The following LAMB1 variants were observed in gnomAD, a reference collection of about 807,000 sequenced individuals.
LAMB1 encodes the protein laminin subunit beta 1.
Under a neutral mutation model 222.3 loss-of-function variants are expected in LAMB1, and 121 were observed. That is an observed-to-expected ratio of 0.54 (90% CI 0.47 to 0.63). LAMB1 has a LOEUF of 0.63. Ranked by LOEUF, LAMB1 falls within the 30% of genes least tolerant of loss-of-function variation. The pLI is 0.00. For synonymous variants in LAMB1, 794 were observed against 807.2 expected (o/e 0.98, Z 0.28); for missense variants, 2,172 against 2,240.8 (o/e 0.97, Z 0.62).
At chr7:107,961,480 G>T in intron 16 of LAMB1, 69 bp downstream of exon 16, 3 of 1,585,254 alleles carry the variant, frequency 1.9e-6, no homozygotes, top group Middle Eastern at 1.7e-4. Flanking sequence ...TTGAAAACTC[G>T]CAAAATATTA....
chr7:107,933,866 C>CATTTGAAAGG (rs1202207241), intron 27 of LAMB1, among the ~76,000 whole-genome samples: 10 of 152,162 alleles, frequency 6.6e-5, no homozygotes, highest in African/African-American at 2.4e-4. Context: ...AACCCCGAAC[C>CATTTGAAAGG]CCACCCACCG....
At chr7:107,977,651 C>T (rs553084480) in intron 9 of LAMB1, among the ~76,000 whole-genome samples, 4 of 152,210 alleles carry the variant, frequency 2.6e-5, no homozygotes, top group Non-Finnish European at 5.9e-5. Flanking sequence ...ATTAGCAGGG[C>T]ATGGTGGCGC....
chr7:107,969,700 A>G (rs1318365400), intron 13 of LAMB1, among the ~76,000 whole-genome samples: 1 of 152,256 alleles, frequency 6.6e-6, no homozygotes, highest in Non-Finnish European at 1.5e-5. Context: ...CCCAGGCTGT[A>G]GAGTATAGCC....
chr7:107,937,057 C>A, intron 26 of LAMB1, 36 bp downstream of exon 26: 1 of 1,540,548 alleles, frequency 6.5e-7, no homozygotes, highest in South Asian at 1.2e-5. Context: ...TCGTTAAATC[C>A]ATTGTCTGGG....
chr7:107,975,629 T>C, intron 10 of LAMB1, 60 bp downstream of exon 10: 4 of 1,491,168 alleles, frequency 2.7e-6, no homozygotes, highest in East Asian at 2.3e-5. Context: ...CTACTGACTA[T>C]TCAGTTTGGA....
chr7:107,934,071 CTT>C (rs1407738735), intron 27 of LAMB1, among the ~76,000 whole-genome samples: 1 of 152,076 alleles, frequency 6.6e-6, no homozygotes, highest in East Asian at 1.9e-4. Flanking sequence ...TGCTTCATAA[CTT>C]TGTCTCCTGT....
Position 107,953,647 on chromosome 7 carries a change from C to A in LAMB1, c.2962G>T (p.Glu988Ter). Residue 988 changes from glutamate (E) to a stop codon, truncating the protein, a stop_gained, in exon 22 of 34, where the codon GAA (glutamate) becomes TAA (stop). Transcript: ENST00000222399. LOFTEE classifies it high-confidence loss of function. ...CTCCCAGTCTCCTTGTCACAGGCTT[C>A]TGGGTCTGTCGTGTCAATGTTGTTG... Reference protein sequence around the residue: ...CHNNIDTTDPEACDKETGRCL... With the variant: ...CHNNIDTTDP The A allele has an allele frequency of 6.2e-7, 1 of 1,614,200 alleles. No homozygotes were observed. The highest frequency in any genetic ancestry group is 8.5e-7 in the Non-Finnish European group (1 of 1,180,030).
At chr7:107,948,182 T>G (rs2033161559) in intron 24 of LAMB1, among the ~76,000 whole-genome samples, 1 of 152,170 alleles carries the variant, frequency 6.6e-6, no homozygotes, top group African/African-American at 2.4e-5. Flanking sequence ...AGATGGGGTT[T>G]CACCATGTTG....
At chr7:107,945,593 C>T (rs1399306756) in intron 24 of LAMB1, among the ~76,000 whole-genome samples, 1 of 152,204 alleles carries the variant, frequency 6.6e-6, no homozygotes, top group East Asian at 1.9e-4. Context: ...CAATGAGGAG[C>T]CCCCAGGCTT....
Position 107,972,994 on chromosome 7 carries a change from G to A in LAMB1, c.1560C>T (p.Asn520=). 2 of 1,612,368 alleles carry A rather than the reference G, an allele frequency of 1.2e-6. No homozygotes were observed. The highest frequency in any genetic ancestry group is 1.7e-6 in the Non-Finnish European group (2 of 1,178,436). The part of the protein sequence containing the change: ...CDCDLGGALN[N]SCFAESGQCS... ...AGCATACGTAGAGCTCCATTTACCT[G>A]TTGTTTAAGGCTCCCCCAAGGTCAC... The change falls in exon 13 of 34, where the codon AAC becomes AAT. Residue 520 remains asparagine (N), a splice_region_variant and synonymous_variant. Coordinates refer to ENST00000222399, the MANE Select transcript of LAMB1 (RefSeq NM_002291.3).
At chr7:107,926,121 G>T in intron 32 of LAMB1, 62 bp downstream of exon 32, 1 of 1,316,106 alleles carries the variant, frequency 7.6e-7, no homozygotes, top group Admixed American at 1.8e-5. Context: ...TCTAAGGCAG[G>T]CAAGGAGGAG....
chr7:107,966,332 T>C (rs1295706669), intron 13 of LAMB1, among the ~76,000 whole-genome samples: 2 of 152,018 alleles, frequency 1.3e-5, no homozygotes, highest in Non-Finnish European at 2.9e-5. Context: ...CACCTCAGCC[T>C]CCTGAGTAGC....
At position 107,931,375 on chromosome 7, in the gene LAMB1, T is replaced by A. The variant is rs1327298435; in HGVS notation, c.4518A>T (p.Gln1506His). Reference sequence around the variant, plus strand: ...TCTTACGGGTCAAAAAGTTTCTGATTTGCTTGATTAGATTTCTCAGCTCCT... The same window carrying A: ...TCTTACGGGTCAAAAAGTTTCTGATATGCTTGATTAGATTTCTCAGCTCCT... ...SNEELRNLIK[Q>H]IRNFLTQDSA... The change falls in exon 29 of 34, where the codon CAA (glutamine) becomes CAT (histidine). Residue 1506 changes from glutamine to histidine, a missense_variant. Coordinates refer to ENST00000222399, the MANE Select transcript of LAMB1 (RefSeq NM_002291.3). 1.2e-6 allele frequency: 2 copies of A among 1,613,350 alleles called. No homozygotes were observed. Among genetic ancestry groups the A allele is most frequent in the South Asian group, 2.2e-5 (2 of 90,852 alleles).
At chr7:107,929,771 G>A (rs1387162344) in intron 29 of LAMB1, 152 bp from the exon 30 acceptor site, 119 of 490,144 alleles carry the variant, frequency 2.4e-4, no homozygotes, top group South Asian at 9.0e-4. Flanking sequence ...AATCTATCTG[G>A]GATTTTGAGG....
chr7:107,926,434 G>A, intron 31 of LAMB1, 75 bp from the exon 32 acceptor site: 1 of 1,268,814 alleles, frequency 7.9e-7, no homozygotes, highest in Non-Finnish European at 1.1e-6. Flanking sequence ...TTTGGAGGAA[G>A]ATTTAAAAGT....
At chr7:107,962,856 A>G (rs774130904) in intron 15 of LAMB1, 49 bp downstream of exon 15, 1 of 1,523,146 alleles carries the variant, frequency 6.6e-7, no homozygotes. Flanking sequence ...CTATTTTTCT[A>G]CTGATTCTCC....
chr7:107,973,841 G>A (rs947338167), intron 12 of LAMB1, among the ~76,000 whole-genome samples: 5 of 152,120 alleles, frequency 3.3e-5, no homozygotes, highest in African/African-American at 4.8e-5. Flanking sequence ...TAGAGATGGC[G>A]TTTCATCATG....
chr7:107,940,176 C>G lies in LAMB1; in HGVS notation c.3574G>C (p.Glu1192Gln). 1 of 1,614,120 alleles carries G rather than the reference C, an allele frequency of 6.2e-7. No individual in the cohort carries two copies. The highest frequency in any genetic ancestry group is 8.5e-7 in the Non-Finnish European group (1 of 1,180,028). The change falls in exon 25 of 34, where the codon GAG (glutamate) becomes CAG (glutamine). Residue 1192 changes from glutamate (E) to glutamine (Q), a missense_variant. Glu to Gln is a conservative substitution (Grantham distance 29). Transcript: ENST00000222399. The stretch of plus-strand genomic sequence containing the variant: ...AATCTGTGTGTCCTGTTGGTCAGCT[C>G]GGCAATGATCACATCCCAGAGAGCA... The part of the protein sequence containing the change: ...CFALWDVIIA[E>Q]LTNRTHRFLE...
At chr7:107,932,401 A>C (rs372692719) in intron 27 of LAMB1, 24 bp from the exon 28 acceptor site, 1 of 1,611,984 alleles carries the variant, frequency 6.2e-7, no homozygotes, top group Non-Finnish European at 8.5e-7. Context: ...AGGATCAGGC[A>C]CAATACTTCG....
Sources: allele counts gnomAD v4.1 joint callset (sites outside exome capture counted in the v4.1 genomes callset), GRCh38; gene constraint gnomAD v4.1.1; transcripts MANE v1.5; gene names NCBI Gene and HGNC (gene_info 2026-07-23, HGNC 2026-07-21).